The following INTS9 variants were observed in gnomAD, a reference collection of about 807,000 sequenced individuals.
INTS9 encodes protein related to CPSF subunits of 74 kDa.
A neutral mutation model predicts 79.7 loss-of-function variants in INTS9; 55 were observed. That is an observed-to-expected ratio of 0.69 (90% CI 0.56 to 0.86). The LOEUF (loss-of-function observed/expected upper bound fraction) is 0.86. INTS9 is among the 40% of genes least tolerant of loss of function. The pLI is 0.00. For missense variants in INTS9, 721 were observed against 831.5 expected (o/e 0.87, Z 1.64); for synonymous variants, 319 against 325.2 (o/e 0.98, Z 0.20).
At position 28,851,476 on chromosome 8, in the gene INTS9, C is replaced by T. The variant is rs558352951; in HGVS notation, c.138-1203G>A. On this transcript the variant is annotated intron_variant, in intron 2 of 16. Transcript: ENST00000521022. ...TTTTTGAGACAGAGTCTCACTCTGT[C>T]GCCCAGGCTGGAGTGCAGTGGTGCA... Among the ~76,000 whole-genome samples the T allele has an allele frequency of 2.3e-4, 34 of 150,684 alleles. No individual in the cohort carries two copies. In the South Asian group the frequency reaches 5.8e-3, roughly 26 times the overall value.
chr8:28,883,110 G>A (rs182527590), intron 1 of INTS9, among the ~76,000 whole-genome samples: 2 of 152,100 alleles, frequency 1.3e-5, no homozygotes, highest in Admixed American at 6.5e-5. Flanking sequence ...CCTCTCACTG[G>A]CCTTCCCCTT....
At chr8:28,786,856 T>C (rs1351599863) in intron 11 of INTS9, among the ~76,000 whole-genome samples, 1 of 152,188 alleles carries the variant, frequency 6.6e-6, no homozygotes, top group Non-Finnish European at 1.5e-5. Flanking sequence ...CAGTTGTGAC[T>C]ACAGGCACCC....
At chr8:28,826,404 G>C (rs947159668) in intron 6 of INTS9, among the ~76,000 whole-genome samples, 2 of 152,296 alleles carry the variant, frequency 1.3e-5, no homozygotes, top group Non-Finnish European at 2.9e-5. Flanking sequence ...CTAACTGTGA[G>C]AGGTGGTGAA....
rs73669451 is a variant in INTS9 at position 28,808,812 on chromosome 8, C to G, written c.744+3515G>C. 8.9e-3 allele frequency among the ~76,000 whole-genome samples: 1,349 copies of G among 152,324 alleles called. 20 individuals carry two copies. The highest frequency in any genetic ancestry group is 0.03 in the African/African-American group (1,227 of 41,566). On this transcript the variant is annotated intron_variant, in intron 8 of 16. Coordinates refer to ENST00000521022, the MANE Select transcript of INTS9 (RefSeq NM_018250.4). ...CCATTCTTACTGCCTCAGGCTTAAT[C>G]CAAAGCCTTATTTCCCCATGTTTAT...
intron 1 of INTS9, among the ~76,000 whole-genome samples, chr8:28,875,367 T>C (rs937922582): frequency 6.6e-6 from 1 of 152,228 alleles, no homozygotes; most frequent in Non-Finnish European, 1.5e-5. Flanking sequence ...ACTTTAACTG[T>C]TCCTTCTACT....
intron 5 of INTS9, 115 bp downstream of exon 5, chr8:28,837,522 G>A (rs190179105): frequency 2.6e-6 from 3 of 1,143,928 alleles, no homozygotes; most frequent in Non-Finnish European, 3.6e-6. Flanking sequence ...TGTTCTTTGG[G>A]TTAGTTGTTC....
chr8:28,824,194 C>T (rs922170390), intron 6 of INTS9, among the ~76,000 whole-genome samples: 1 of 152,198 alleles, frequency 6.6e-6, no homozygotes, highest in Non-Finnish European at 1.5e-5. Context: ...CCAAAAGCCT[C>T]GAGTCATCCT....
At chr8:28,830,723 G>C (rs916003395) in intron 6 of INTS9, among the ~76,000 whole-genome samples, 2 of 151,724 alleles carry the variant, frequency 1.3e-5, no homozygotes, top group Non-Finnish European at 2.9e-5. Context: ...ACACAGCTAT[G>C]GAGTGTCTCT....
chr8:28,792,711 C>T (rs1305983139), intron 10 of INTS9, among the ~76,000 whole-genome samples: 1 of 151,976 alleles, frequency 6.6e-6, no homozygotes, highest in Non-Finnish European at 1.5e-5. Flanking sequence ...GTCAGGAGTT[C>T]GAGACCAGCT....
chr8:28,845,682 C>A (rs1452240571), intron 4 of INTS9, among the ~76,000 whole-genome samples: 2 of 152,186 alleles, frequency 1.3e-5, no homozygotes, highest in Admixed American at 1.3e-4. Context: ...ATCACCCTAC[C>A]AATTCCTAAG....
chr8:28,769,992 T>C lies in INTS9; in HGVS notation c.1697A>G (p.Lys566Arg), dbSNP rs758169845. Residue 566 changes from lysine to arginine, a missense_variant, in exon 16 of 17, where the codon AAG becomes AGG. By Grantham distance (26) the Lys-to-Arg change is conservative (BLOSUM62 2). Transcript: ENST00000521022. ...PPRPAQPTSGKKRKRVSDDVP... is the reference protein window; with the variant it reads ...PPRPAQPTSGRKRKRVSDDVP... ...GTCATCGCTCACCCGCTTTCTCTTC[T>C]TCCCGCTCGTGGGCTGGGCGGGCCG... The C allele has an allele frequency of 1.2e-6, 2 of 1,614,186 alleles. No individual in the cohort carries two copies. Among genetic ancestry groups the C allele is most frequent in the Non-Finnish European group, 1.7e-6 (2 of 1,180,040 alleles).
intron 14 of INTS9, among the ~76,000 whole-genome samples, chr8:28,774,811 A>G (rs1346996257): frequency 1.3e-5 from 2 of 152,198 alleles, no homozygotes; most frequent in African/African-American, 4.8e-5. Context: ...GTAGCCTCCA[A>G]CCATCCTCAA....
At chr8:28,792,872 CACTGTACTCCA>C (rs1803993915) in intron 10 of INTS9, among the ~76,000 whole-genome samples, 1 of 148,068 alleles carries the variant, frequency 6.8e-6, no homozygotes, top group South Asian at 2.1e-4. Flanking sequence ...GAGATTGTGC[CACTGTACTCCA>C]GCCTGGGCAA....
chr8:28,887,822 G>C (rs1454616604), intron 1 of INTS9, among the ~76,000 whole-genome samples: 1 of 152,158 alleles, frequency 6.6e-6, no homozygotes, highest in African/African-American at 2.4e-5. Flanking sequence ...CTTTTCCTCT[G>C]AGACATCTTT....
chr8:28,841,199 C>T (rs942432202), intron 4 of INTS9, among the ~76,000 whole-genome samples: 3 of 152,200 alleles, frequency 2.0e-5, no homozygotes, highest in African/African-American at 7.2e-5. Context: ...CCTATCCCAA[C>T]CTTCACCCCA....
chr8:28,881,201 G>A (rs1444801473), intron 1 of INTS9, among the ~76,000 whole-genome samples: 4 of 148,852 alleles, frequency 2.7e-5, no homozygotes, highest in Admixed American at 6.6e-5. Context: ...GCCCCTACTG[G>A]GAAGTGAGGA....
chr8:28,784,840 G>A (rs926695663), intron 11 of INTS9, among the ~76,000 whole-genome samples: 1 of 152,182 alleles, frequency 6.6e-6, no homozygotes, highest in Admixed American at 6.5e-5. Flanking sequence ...CTACACACCC[G>A]ATTCAGACTT....
At chr8:28,814,049 G>A (rs915720221) in intron 6 of INTS9, among the ~76,000 whole-genome samples, 10 of 150,266 alleles carry the variant, frequency 6.7e-5, no homozygotes, top group East Asian at 3.9e-4. Context: ...ATGAGCCACC[G>A]TGCTCAGCCA....
intron 6 of INTS9, among the ~76,000 whole-genome samples, chr8:28,817,075 T>C (rs1010873065): frequency 6.7e-6 from 1 of 149,868 alleles, no homozygotes; most frequent in African/African-American, 2.5e-5. Context: ...GATGAGTAGG[T>C]TGCGAAAATT....
Sources: gnomAD v4.1 joint callset for allele counts (sites outside exome capture counted in the v4.1 genomes callset) on GRCh38, gnomAD v4.1.1 for gene constraint, MANE v1.5 for transcripts, NCBI Gene and HGNC (gene_info 2026-07-23, HGNC 2026-07-21) for gene names.